The following CENPW variants were observed in gnomAD, a reference collection of about 807,000 sequenced individuals.
CENPW encodes cancer-up-regulated gene 2 protein.
In CENPW, 3 loss-of-function variants were observed where a neutral mutation model predicts 11.1. The observed-to-expected ratio is 0.27, with a 90% CI of 0.12 to 0.70. CENPW has a LOEUF of 0.70. Ranked by LOEUF, CENPW falls within the 30% of genes least tolerant of loss-of-function variation. The probability of loss-of-function intolerance (pLI) is 0.77; values close to 1 mark genes in which losing one functional copy is unlikely to be tolerated. For synonymous variants in CENPW, 38 were observed against 42.0 expected, an observed-to-expected ratio of 0.91 and a Z score of 0.37; for missense variants, 100 against 105.6, an observed-to-expected ratio of 0.95 and a Z score of 0.23.
At chr6:126,457,509 C>G in the CENPW span, among the ~76,000 whole-genome samples, 1 of 151,150 alleles carries the variant, frequency 6.6e-6, no homozygotes, top group Non-Finnish European at 1.5e-5. Flanking sequence ...GAGCCAAACA[C>G]TGATTACACA....
chr6:126,470,505 G>A, the CENPW span, among the ~76,000 whole-genome samples: 27 of 152,366 alleles, frequency 1.8e-4, no homozygotes, highest in South Asian at 5.6e-3. Flanking sequence ...GCAATGCAGA[G>A]GGGAAAGTGG....
the CENPW span, among the ~76,000 whole-genome samples, chr6:126,406,109 T>C: frequency 7.4e-4 from 113 of 152,188 alleles, 1 homozygote; most frequent in Admixed American, 1.6e-3. Flanking sequence ...ACGTCCTTAA[T>C]TGCATTGAAG....
At chr6:126,420,492 A>G in the CENPW span, among the ~76,000 whole-genome samples, 1 of 152,192 alleles carries the variant, frequency 6.6e-6, no homozygotes, top group African/African-American at 2.4e-5. Context: ...AGTTGGTATT[A>G]GTATAGATGG....
chr6:126,394,502 C>T, the CENPW span, among the ~76,000 whole-genome samples: 5 of 151,978 alleles, frequency 3.3e-5, no homozygotes, highest in East Asian at 1.9e-4. Context: ...TGTCTTGAAA[C>T]GTTGTAGTTA....
At chr6:126,361,183 A>C in the CENPW span, among the ~76,000 whole-genome samples, 1 of 152,200 alleles carries the variant, frequency 6.6e-6, no homozygotes, top group African/African-American at 2.4e-5. Context: ...TGTATATTAG[A>C]TAATTTTGGT....
chr6:126,410,151 G>C, the CENPW span, among the ~76,000 whole-genome samples: 14 of 151,714 alleles, frequency 9.2e-5, no homozygotes, highest in Non-Finnish European at 1.9e-4. Context: ...CTAGATACAG[G>C]GCTACTTTGA....
At chr6:126,437,317 T>A in the CENPW span, among the ~76,000 whole-genome samples, 3 of 151,948 alleles carry the variant, frequency 2.0e-5, no homozygotes, top group Non-Finnish European at 4.4e-5. Flanking sequence ...CCATACCATA[T>A]GTTCTTACAT....
At chr6:126,410,472 A>T in the CENPW span, among the ~76,000 whole-genome samples, 1 of 152,018 alleles carries the variant, frequency 6.6e-6, no homozygotes, top group Non-Finnish European at 1.5e-5. Context: ...TTGTGCCTTT[A>T]AGAATCTCTT....
intron 2 of CENPW, 55 bp downstream of exon 2, chr6:126,346,373 G>T: frequency 3.9e-6 from 4 of 1,037,296 alleles, no homozygotes; most frequent in East Asian, 2.5e-5. Flanking sequence ...AATAACACTC[G>T]GTTCATCACC....
chr6:126,385,559 C>A, the CENPW span, among the ~76,000 whole-genome samples: 1 of 152,178 alleles, frequency 6.6e-6, no homozygotes, highest in Middle Eastern at 3.4e-3. Flanking sequence ...TATAGTTAGG[C>A]TTTGTGTCCC....
At chr6:126,379,541 T>G in the CENPW span, among the ~76,000 whole-genome samples, 2 of 152,062 alleles carry the variant, frequency 1.3e-5, 1 homozygote, top group South Asian at 4.2e-4. Context: ...CTGCTAACCC[T>G]CTGCTTCCCC....
the CENPW span, among the ~76,000 whole-genome samples, chr6:126,406,515 A>G: frequency 6.6e-6 from 1 of 152,054 alleles, no homozygotes; most frequent in Non-Finnish European, 1.5e-5. Context: ...CCTCCACTTC[A>G]ATTTTCAAAA....
the CENPW span, among the ~76,000 whole-genome samples, chr6:126,476,413 C>G: frequency 6.6e-6 from 1 of 151,884 alleles, no homozygotes; most frequent in South Asian, 2.1e-4. Flanking sequence ...GACTGAAAAT[C>G]ATGAGAAAAT....
chr6:126,474,903 A>G, the CENPW span, among the ~76,000 whole-genome samples: 14 of 152,250 alleles, frequency 9.2e-5, no homozygotes, highest in African/African-American at 3.1e-4. Flanking sequence ...TTACTTTGCT[A>G]CATATGAAAG....
the CENPW span, among the ~76,000 whole-genome samples, chr6:126,431,932 G>T: frequency 3.4e-4 from 51 of 151,824 alleles, 1 homozygote; most frequent in Middle Eastern, 0.024. Flanking sequence ...GGGTGTGGTG[G>T]TGCACACCTG....
chr6:126,436,030 A>G, the CENPW span, among the ~76,000 whole-genome samples: 1 of 151,866 alleles, frequency 6.6e-6, no homozygotes, highest in African/African-American at 2.4e-5. Flanking sequence ...TTTGGGACCA[A>G]CCTTATTATC....
the CENPW span, among the ~76,000 whole-genome samples, chr6:126,480,618 T>G: frequency 6.6e-6 from 1 of 152,046 alleles, no homozygotes; most frequent in Non-Finnish European, 1.5e-5. Context: ...AGATGAACAC[T>G]ATGCAAGTAC....
the CENPW span, among the ~76,000 whole-genome samples, chr6:126,452,304 C>T: frequency 6.6e-6 from 1 of 151,062 alleles, no homozygotes; most frequent in African/African-American, 2.4e-5. Flanking sequence ...GAACAAATGA[C>T]ACAGGTGTTG....
chr6:126,462,358 T>C, the CENPW span, among the ~76,000 whole-genome samples: 2 of 152,060 alleles, frequency 1.3e-5, no homozygotes, highest in Non-Finnish European at 2.9e-5. Flanking sequence ...TTAGCTTTTC[T>C]CAAGATACAG....
Sources: allele counts gnomAD v4.1 joint callset (sites outside exome capture counted in the v4.1 genomes callset), GRCh38; gene constraint gnomAD v4.1.1; transcripts MANE v1.5; gene names NCBI Gene and HGNC (gene_info 2026-07-23, HGNC 2026-07-21).